The following CACNA1B variants were observed in gnomAD, a reference collection of about 807,000 sequenced individuals.
CACNA1B encodes voltage-dependent N-type calcium channel subunit alpha-1B.
A neutral mutation model predicts 247.2 loss-of-function variants in CACNA1B; 70 were observed. The observed-to-expected ratio is 0.28, with a 90% CI of 0.23 to 0.35. The LOEUF (loss-of-function observed/expected upper bound fraction) is 0.35. Ranked by LOEUF, CACNA1B falls within the 10% of genes least tolerant of loss-of-function variation. CACNA1B has a pLI of 1.00. For synonymous variants in CACNA1B, 1,231 were observed against 1,294.4 expected (o/e 0.95, Z 1.05); for missense variants, 2,367 against 3,197.4 (o/e 0.74, Z 6.26).
At chr9:137,937,694 C>A (rs984681748) in intron 6 of CACNA1B, among the ~76,000 whole-genome samples, 2 of 151,916 alleles carry the variant, frequency 1.3e-5, no homozygotes, top group Non-Finnish European at 2.9e-5. Flanking sequence ...ACCTGTAATC[C>A]CAGCACTTTG....
intron 25 of CACNA1B, 69 bp from the exon 26 acceptor site, chr9:138,053,777 C>A: frequency 5.9e-5 from 54 of 908,154 alleles, no homozygotes; most frequent in Non-Finnish European, 6.3e-5. Flanking sequence ...CCCTACCCTT[C>A]CCCCTCATGG....
chr9:137,928,427 G>T (rs1957575404), intron 6 of CACNA1B, among the ~76,000 whole-genome samples: 2 of 152,030 alleles, frequency 1.3e-5, no homozygotes, highest in African/African-American at 2.4e-5. Context: ...TATTGCCTTT[G>T]TCTGGTTTTG....
chr9:137,973,483 C>A lies in CACNA1B; in HGVS notation c.1543+1891C>A, dbSNP rs990638692. Among the ~76,000 whole-genome samples, 1 of 152,156 alleles carries A rather than the reference C, an allele frequency of 6.6e-6. No individual in the cohort carries two copies. Among genetic ancestry groups the A allele is most frequent in the African/African-American group, 2.4e-5 (1 of 41,442 alleles). ...ATTGCCAGAACCTTCAAAATTGAGGCTCGAGTGGTTAAGAGGGGCACTGTC... is the reference window on the plus strand; with the variant it reads ...ATTGCCAGAACCTTCAAAATTGAGGATCGAGTGGTTAAGAGGGGCACTGTC... On this transcript the variant is annotated intron_variant, in intron 11 of 46. Coordinates refer to ENST00000371372, the MANE Select transcript of CACNA1B (RefSeq NM_000718.4). The surrounding 1 kb of genome is among the most constrained non-coding windows in gnomAD (Gnocchi z 4.1).
chr9:138,119,179 G>A (rs565640599), intron 44 of CACNA1B, among the ~76,000 whole-genome samples: 18 of 152,042 alleles, frequency 1.2e-4, no homozygotes, highest in Non-Finnish European at 2.4e-4. Context: ...TCTCCCGCCC[G>A]TGGTTCTGCG....
chr9:137,947,873 GT>G (rs1802896972), intron 6 of CACNA1B, among the ~76,000 whole-genome samples: 1 of 149,216 alleles, frequency 6.7e-6, no homozygotes, highest in African/African-American at 2.5e-5. Context: ...TTTGTCTTTA[GT>G]TTTCAGAAGT....
Position 137,971,686 on chromosome 9 carries a change from G to C in CACNA1B, c.1543+94G>C. On this transcript the variant is annotated intron_variant, in intron 11 of 46. Transcript: ENST00000371372. The surrounding 1 kb of genome is among the most constrained non-coding windows in gnomAD (Gnocchi z 4.4). The stretch of plus-strand genomic sequence containing the variant: ...CATGCCCTGGGGCTACCCCAGGTGG[G>C]ACGGGACCCACCCCCATGTTGCTCA... The C allele has an allele frequency of 5.7e-6, 6 of 1,049,934 alleles. No individual in the cohort carries two copies. Among genetic ancestry groups the C allele is most frequent in the Non-Finnish European group, 8.5e-6 (6 of 708,058 alleles). The allele number at this position is 1,049,934 out of a possible 1,614,324, so 65.0% of individuals were successfully genotyped here.
chr9:137,954,223 G>T lies in CACNA1B; in HGVS notation c.1071-1475G>T, dbSNP rs972660377. ...CCCCCATGTGGGTCCTGCACCCCGG[G>T]GTGGCAGTGGTGAGAGGCCGCCTTC... On this transcript the variant is annotated intron_variant, in intron 7 of 46. Coordinates refer to ENST00000371372, the MANE Select transcript of CACNA1B (RefSeq NM_000718.4). The surrounding 1 kb of genome is among the most constrained non-coding windows in gnomAD (Gnocchi z 4.1). Among the ~76,000 whole-genome samples, 13 of 152,208 alleles carry T rather than the reference G, an allele frequency of 8.5e-5. No homozygotes were observed. Among genetic ancestry groups the T allele is most frequent in the African/African-American group, 3.1e-4 (13 of 41,454 alleles).
At chr9:137,999,090 T>A (rs1472157992) in intron 15 of CACNA1B, among the ~76,000 whole-genome samples, 1 of 152,122 alleles carries the variant, frequency 6.6e-6, no homozygotes, top group Non-Finnish European at 1.5e-5. Flanking sequence ...GCAGATCACC[T>A]GAGGTCAGGA....
At chr9:138,026,240 C>T (rs1045814509) in intron 20 of CACNA1B, among the ~76,000 whole-genome samples, 1 of 152,228 alleles carries the variant, frequency 6.6e-6, no homozygotes, top group Admixed American at 6.5e-5. Context: ...TCAGCCTCCC[C>T]TTTTCCTTTG....
chr9:138,121,485 A>G lies in CACNA1B; in HGVS notation c.6506A>G (p.Asn2169Ser), dbSNP rs773087614. ...GPHPQGSGSV[N>S]GSPLLSTSGA... Reference sequence around the variant, plus strand: ...TTCATGTAGGGCAGTGGTTCCGTGAATGGGAGCCCCTTGCTGTCAACATCT... The same window carrying G: ...TTCATGTAGGGCAGTGGTTCCGTGAGTGGGAGCCCCTTGCTGTCAACATCT... Residue 2169 changes from asparagine (N) to serine (S), a missense_variant, in exon 47 of 47, where the codon AAT (asparagine) becomes AGT (serine). This residue lies in a region of CACNA1B where 773 missense variants were observed against 779.4 expected (regional missense o/e 0.99). Coordinates refer to ENST00000371372, the MANE Select transcript of CACNA1B (RefSeq NM_000718.4). This position sits in a 1 kb window ranked among gnomAD's most constrained non-coding sequence, Gnocchi z 6.8. The G allele has an allele frequency of 6.6e-7, 1 of 1,522,310 alleles. No homozygotes were observed. The highest frequency in any genetic ancestry group is 2.3e-5 in the East Asian group (1 of 43,818). 94.3% of individuals were successfully genotyped at this position (1,522,310 alleles called of 1,614,324 possible).
chr9:138,117,839 C>T (rs959130114), intron 42 of CACNA1B, 107 bp from the exon 43 acceptor site: 33 of 863,196 alleles, frequency 3.8e-5, no homozygotes, highest in Non-Finnish European at 4.7e-5. Context: ...ACCCCCTGAC[C>T]TCTGCTGCAT....
chr9:137,967,576 C>G (rs145855811), intron 10 of CACNA1B, among the ~76,000 whole-genome samples: 7 of 152,216 alleles, frequency 4.6e-5, no homozygotes, highest in African/African-American at 1.7e-4. Context: ...GCTGCTCTCC[C>G]CTGAAATGAA....
At chr9:138,039,193 C>A (rs1324442992) in intron 20 of CACNA1B, among the ~76,000 whole-genome samples, 2 of 150,290 alleles carry the variant, frequency 1.3e-5, no homozygotes, top group African/African-American at 4.9e-5. Flanking sequence ...AAGACTCCGT[C>A]TCAAAAAAAA....
At chr9:138,120,064 G>A in intron 44 of CACNA1B, 101 bp from the exon 45 acceptor site, 1 of 988,144 alleles carries the variant, frequency 1.0e-6, no homozygotes, top group Non-Finnish European at 1.5e-6. Flanking sequence ...TGGGGGGCGT[G>A]TGGGCCTGCT....
intron 3 of CACNA1B, chr9:137,892,685 GT>G (rs1198094673): frequency 1.9e-5 from 6 of 322,780 alleles, no homozygotes; most frequent in African/African-American, 1.3e-4. Flanking sequence ...CCGTCCAAGG[GT>G]GGGGGCTCCT....
intron 15 of CACNA1B, among the ~76,000 whole-genome samples, chr9:138,001,495 G>A (rs1476774729): frequency 1.3e-5 from 2 of 151,960 alleles, no homozygotes; most frequent in African/African-American, 4.8e-5. Context: ...ACCATAGCAA[G>A]GATCATAGAT....
In CACNA1B at chr9:137,891,837, A is replaced by G; in HGVS notation, c.530+8954A>G. The G allele has an allele frequency of 2.8e-6, 1 of 357,300 alleles. No individual in the cohort carries two copies. Among genetic ancestry groups the G allele is most frequent in the South Asian group, 2.1e-5 (1 of 47,904 alleles). The allele number at this position is 357,300 out of a possible 1,614,324, so 22.1% of individuals were successfully genotyped here. ...ACTCCAGCCAGACGGACGCTAACGC[A>G]GATTCATTCCTAGCAGGTCACATGG... On this transcript the variant is annotated intron_variant, in intron 3 of 46. Coordinates refer to ENST00000371372, the MANE Select transcript of CACNA1B (RefSeq NM_000718.4). This position sits in a 1 kb window ranked among gnomAD's most constrained non-coding sequence, Gnocchi z 4.3.
intron 39 of CACNA1B, among the ~76,000 whole-genome samples, chr9:138,112,124 T>TGCATGCGCACACATGC (rs1564291909): frequency 6.6e-6 from 1 of 151,446 alleles, no homozygotes; most frequent in Non-Finnish European, 1.5e-5. Context: ...GCAGTGCACA[T>TGCATGCGCACACATGC]GCATGCACAC....
intron 20 of CACNA1B, among the ~76,000 whole-genome samples, chr9:138,039,549 A>G (rs936939955): frequency 6.6e-6 from 1 of 152,128 alleles, no homozygotes; most frequent in Admixed American, 6.5e-5. Context: ...ATCTGTGAAT[A>G]TATCATTTTT....
Sources: gnomAD v4.1 joint callset for allele counts (sites outside exome capture counted in the v4.1 genomes callset) on GRCh38, gnomAD v4.1.1 for gene constraint, gnomAD v4.1.1 regional missense constraint, Gnocchi (gnomAD v3.1) non-coding constraint, MANE v1.5 for transcripts, NCBI Gene and HGNC (gene_info 2026-07-23, HGNC 2026-07-21) for gene names.